Variants in PREX1 observed in about 807,000 individuals in gnomAD.
PREX1 encodes the protein phosphatidylinositol 3,4,5-trisphosphate-dependent Rac exchanger 1 protein.
A neutral mutation model predicts 198.3 loss-of-function variants in PREX1; 41 were observed. The ratio of observed to expected loss-of-function variants is 0.21; its 90% CI spans 0.16 to 0.27. The LOEUF is 0.27. Among genes scored for constraint, PREX1 ranks in the 10% least tolerant of loss-of-function variants. PREX1 has a pLI of 1.00. For synonymous variants in PREX1, 843 were observed against 887.2 expected (o/e 0.95, Z 0.89); for missense variants, 1,620 against 2,200.7 (o/e 0.74, Z 5.28).
At chr20:48,793,382 C>T (rs1335396445) in intron 1 of PREX1, among the ~76,000 whole-genome samples, 16 of 152,114 alleles carry the variant, frequency 1.1e-4, no homozygotes, top group Admixed American at 1.0e-3. Context: ...ATACCAAAAG[C>T]CACTGGAGTG....
At chr20:48,696,700 C>T (rs569914413) in intron 7 of PREX1, among the ~76,000 whole-genome samples, 1 of 152,136 alleles carries the variant, frequency 6.6e-6, no homozygotes, top group East Asian at 1.9e-4. Context: ...TGGAATTGCA[C>T]TGAGGTTCTG....
rs553752384 is a variant in PREX1, at chr20:48,625,587, C to T, written c.*298G>A. On this transcript the variant is annotated 3_prime_UTR_variant, in exon 40 of 40. Transcript: ENST00000371941. ...ATGACGTTCCCTTGGGTTCTGGGGA[C>T]GCAGGAGCCGAAGGCCAGGCACCAG... The T allele has an allele frequency of 3.6e-5, 13 of 361,450 alleles. No homozygotes were observed. The highest frequency in any genetic ancestry group is 1.2e-4 in the South Asian group (2 of 17,098). The allele number at this position is 361,450 out of a possible 1,614,324, so 22.4% of individuals were successfully genotyped here. A position where few individuals can be genotyped will look rare whatever the true frequency, so the allele number is the denominator to read the frequency against.
chr20:48,755,337 T>C (rs1490332566), intron 1 of PREX1, among the ~76,000 whole-genome samples: 4 of 152,230 alleles, frequency 2.6e-5, no homozygotes, highest in Non-Finnish European at 5.9e-5. Flanking sequence ...AATTACTAGC[T>C]GTCCCCCAAT....
At chr20:48,690,799 A>C in intron 9 of PREX1, 148 bp downstream of exon 9, 1 of 1,146,030 alleles carries the variant, frequency 8.7e-7, no homozygotes, top group African/African-American at 1.6e-5. Flanking sequence ...ATAGTCCCAG[A>C]GCTCCCTGTC....
At position 48,827,207 on chromosome 20, in the gene PREX1, A is replaced by T. The variant is rs1028154975; in HGVS notation, c.219+435T>A. ...TATCCTACTCCATCAACGCGCAGGG[A>T]CGTTGGGCTCTGGGGCTCCTACGGT... On this transcript the variant is annotated intron_variant, in intron 1 of 39. Coordinates refer to ENST00000371941, the MANE Select transcript of PREX1 (RefSeq NM_020820.4). The surrounding 1 kb of genome is among the most constrained non-coding windows in gnomAD (Gnocchi z 4.1). 6.6e-6 allele frequency among the ~76,000 whole-genome samples: 1 copy of T among 152,118 alleles called. No individual in the cohort carries two copies. Among genetic ancestry groups the T allele is most frequent in the Admixed American group, 6.5e-5 (1 of 15,284 alleles).
intron 33 of PREX1, among the ~76,000 whole-genome samples, chr20:48,633,082 C>T (rs1007255960): frequency 2.6e-5 from 4 of 152,204 alleles, no homozygotes; most frequent in Non-Finnish European, 5.9e-5. Context: ...CAGAAGGAAG[C>T]GCTTAGGGCA....
intron 36 of PREX1, 82 bp downstream of exon 36, chr20:48,630,646 C>A: frequency 9.3e-6 from 12 of 1,296,554 alleles, no homozygotes; most frequent in Non-Finnish European, 1.3e-5. Context: ...GGGGCACAAC[C>A]CTGGGCCTGT....
chr20:48,651,615 A>G, intron 21 of PREX1, 32 bp from the exon 22 acceptor site: 1 of 1,591,654 alleles, frequency 6.3e-7, no homozygotes, highest in Non-Finnish European at 8.6e-7. Context: ...ATCTGAGCAG[A>G]GATCAGAGGG....
chr20:48,775,991 G>GCTCA (rs2090259538), intron 1 of PREX1, among the ~76,000 whole-genome samples: 2 of 152,142 alleles, frequency 1.3e-5, no homozygotes, highest in Admixed American at 6.5e-5. Context: ...TCTGTTGTAA[G>GCTCA]CTCAGCAGGC....
intron 1 of PREX1, among the ~76,000 whole-genome samples, chr20:48,760,891 TAA>T (rs2122839131): frequency 6.6e-6 from 1 of 152,280 alleles, no homozygotes; most frequent in African/African-American, 2.4e-5. Flanking sequence ...GGCACTGCGC[TAA>T]GAGCCAATGA....
At chr20:48,754,200 G>A (rs977821568) in intron 1 of PREX1, among the ~76,000 whole-genome samples, 16 of 152,216 alleles carry the variant, frequency 1.1e-4, no homozygotes, top group Non-Finnish European at 2.1e-4. Context: ...GCCTCATTAT[G>A]TGCAGGTGCT....
At chr20:48,664,097 G>C (rs866297205) in intron 15 of PREX1, among the ~76,000 whole-genome samples, 1 of 152,080 alleles carries the variant, frequency 6.6e-6, no homozygotes, top group Non-Finnish European at 1.5e-5. Context: ...GAATCTGGTC[G>C]GGCGCGGTGG....
rs574560442 is a variant in PREX1, at chr20:48,675,202, C to T, written c.1665+991G>A. Among the ~76,000 whole-genome samples the T allele has an allele frequency of 8.5e-5, 13 of 152,290 alleles. No individual in the cohort carries two copies. In the East Asian group the frequency reaches 1.2e-3, roughly 14 times the overall value. On this transcript the variant is annotated intron_variant, in intron 14 of 39. Coordinates refer to ENST00000371941, the MANE Select transcript of PREX1 (RefSeq NM_020820.4). ...AGGCATCCCTTAGAAATGGGTGTGA[C>T]GCAGGGAGTCTGCCCCTCCCATCCC... is the stretch of plus-strand genomic sequence containing the variant.
At position 48,629,371 on chromosome 20, in the gene PREX1, CCTT is replaced by C. The variant is rs2089296310; in HGVS notation, c.4766+75_4766+77del. On this transcript the variant is annotated intron_variant, in intron 37 of 39. Transcript: ENST00000371941. ...GGATTGGAACCCAGCCTTCCTGCCT[CCTT>C]GCCACAGGACCCCAAACTGACCAGA... 1.6e-5 allele frequency: 24 copies of C among 1,539,780 alleles called. No homozygotes were observed. In the South Asian group the frequency reaches 2.7e-4, roughly 17 times the overall value.
intron 23 of PREX1, among the ~76,000 whole-genome samples, 157 bp downstream of exon 23, chr20:48,650,737 A>G (rs773028951): frequency 1.3e-5 from 2 of 152,214 alleles, no homozygotes; most frequent in African/African-American, 4.8e-5. Flanking sequence ...TGATGTGATA[A>G]GTTCACCTCC....
chr20:48,865,598 T>C, the PREX1 span, among the ~76,000 whole-genome samples: 1 of 152,210 alleles, frequency 6.6e-6, no homozygotes, highest in Non-Finnish European at 1.5e-5. Context: ...TGGGAGTTCC[T>C]CCACAAGAGC....
At chr20:48,697,633 C>T (rs890198492) in intron 7 of PREX1, among the ~76,000 whole-genome samples, 1 of 152,138 alleles carries the variant, frequency 6.6e-6, no homozygotes, top group Non-Finnish European at 1.5e-5. Flanking sequence ...ATCCACCCTC[C>T]TCGGTCTCCC....
chr20:48,837,678 T>C, the PREX1 span, among the ~76,000 whole-genome samples: 1 of 151,938 alleles, frequency 6.6e-6, no homozygotes, highest in Non-Finnish European at 1.5e-5. Flanking sequence ...AGGGTGAAGA[T>C]TGGGAGGAGG....
At chr20:48,796,477 C>T (rs1182315764) in intron 1 of PREX1, among the ~76,000 whole-genome samples, 2 of 152,108 alleles carry the variant, frequency 1.3e-5, no homozygotes, top group African/African-American at 4.8e-5. Context: ...TACACCCAGA[C>T]TATCTGAAGG....
Sources: allele counts gnomAD v4.1 joint callset (sites outside exome capture counted in the v4.1 genomes callset), GRCh38; gene constraint gnomAD v4.1.1; non-coding constraint Gnocchi (gnomAD v3.1); transcripts MANE v1.5; gene names NCBI Gene and HGNC (gene_info 2026-07-23, HGNC 2026-07-21).